CFAP90: variants seen among roughly 807,000 people sequenced by gnomAD.
CFAP90 encodes the protein cilia and flagella associated protein 90.
At chr5:7,834,097 A>G in the CFAP90 span, among the ~76,000 whole-genome samples, 3 of 152,146 alleles carry the variant, frequency 2.0e-5, no homozygotes, top group Admixed American at 6.6e-5. Context: ...AACAACCTCA[A>G]GCAGGTTCTT....
chr5:7,849,895 C>A, the CFAP90 span, among the ~76,000 whole-genome samples: 3 of 152,154 alleles, frequency 2.0e-5, no homozygotes, highest in African/African-American at 4.8e-5. Context: ...CTAGCCTGGG[C>A]CTGCCGCAGA....
chr5:7,834,654 G>A, the CFAP90 span, among the ~76,000 whole-genome samples: 1 of 151,946 alleles, frequency 6.6e-6, no homozygotes, highest in Non-Finnish European at 1.5e-5. Flanking sequence ...ATACACAAGT[G>A]TATCATTTTT....
chr5:7,850,436 CA>C, the CFAP90 span, among the ~76,000 whole-genome samples: 1 of 151,856 alleles, frequency 6.6e-6, no homozygotes, highest in Non-Finnish European at 1.5e-5. Flanking sequence ...CCTAGCGGTG[CA>C]GCCCCTCCCA....
the CFAP90 span, among the ~76,000 whole-genome samples, chr5:7,849,833 C>T: frequency 3.3e-5 from 5 of 152,074 alleles, no homozygotes; most frequent in African/African-American, 1.2e-4. Context: ...GAGGGTTTCC[C>T]GCGCCCTGGA....
chr5:7,846,796 GA>G, the CFAP90 span, among the ~76,000 whole-genome samples: 4 of 152,122 alleles, frequency 2.6e-5, no homozygotes, highest in African/African-American at 9.7e-5. Flanking sequence ...ACCCAGAGCA[GA>G]GTGCAGTGGT....
At chr5:7,831,457 C>A in the CFAP90 span, 1 of 166,384 alleles carries the variant, frequency 6.0e-6, no homozygotes, top group East Asian at 1.6e-4. Context: ...ACTCCTGTGA[C>A]TGCCTCCCCA....
chr5:7,847,115 G>A, the CFAP90 span, among the ~76,000 whole-genome samples: 1 of 152,168 alleles, frequency 6.6e-6, no homozygotes, highest in Non-Finnish European at 1.5e-5. Flanking sequence ...CTCTAGGTCA[G>A]AGAATCAGTT....
chr5:7,848,377 A>G, the CFAP90 span, among the ~76,000 whole-genome samples: 1 of 152,112 alleles, frequency 6.6e-6, no homozygotes, highest in Non-Finnish European at 1.5e-5. Flanking sequence ...GAGAGGAGCT[A>G]TCAGATACCA....
At chr5:7,838,919 C>A in the CFAP90 span, among the ~76,000 whole-genome samples, 11 of 152,294 alleles carry the variant, frequency 7.2e-5, no homozygotes, top group Non-Finnish European at 1.0e-4. Context: ...GGGCAGCCAC[C>A]CTCACCCAGT....
the CFAP90 span, among the ~76,000 whole-genome samples, chr5:7,850,489 G>A: frequency 6.6e-6 from 1 of 151,206 alleles, no homozygotes; most frequent in East Asian, 2.0e-4. Context: ...AGTCCCCGGC[G>A]GCGCATCCCT....
At chr5:7,834,829 T>C in the CFAP90 span, among the ~76,000 whole-genome samples, 1 of 152,118 alleles carries the variant, frequency 6.6e-6, no homozygotes, top group African/African-American at 2.4e-5. Context: ...GTAAGCTATG[T>C]CATCTAGGTT....
the CFAP90 span, among the ~76,000 whole-genome samples, chr5:7,833,484 A>T: frequency 6.9e-6 from 1 of 144,880 alleles, no homozygotes; most frequent in Non-Finnish European, 1.6e-5. Flanking sequence ...ATATACACAC[A>T]TATATAATAG....
chr5:7,834,950 C>A, the CFAP90 span, among the ~76,000 whole-genome samples: 2 of 152,040 alleles, frequency 1.3e-5, no homozygotes, highest in African/African-American at 2.4e-5. Flanking sequence ...CACCCCGCAC[C>A]AAACACACAC....
the CFAP90 span, among the ~76,000 whole-genome samples, chr5:7,849,048 T>C: frequency 6.6e-6 from 1 of 152,228 alleles, no homozygotes; most frequent in African/African-American, 2.4e-5. Flanking sequence ...ACACCAGTCA[T>C]ACTGGAATAG....
the CFAP90 span, among the ~76,000 whole-genome samples, chr5:7,841,985 G>GA: frequency 4.0e-5 from 6 of 149,618 alleles, no homozygotes; most frequent in African/African-American, 7.4e-5. Context: ...TTGGAAATTA[G>GA]AAAAAAAAAA....
chr5:7,850,957 A>G, the CFAP90 span: 1 of 1,333,374 alleles, frequency 7.5e-7, no homozygotes, highest in Non-Finnish European at 9.6e-7. Flanking sequence ...CTGCGCCGAG[A>G]CGGGCGGCGG....
chr5:7,841,182 A>T, the CFAP90 span, among the ~76,000 whole-genome samples: 2 of 152,240 alleles, frequency 1.3e-5, no homozygotes, highest in East Asian at 3.8e-4. Flanking sequence ...GGACATGAAC[A>T]GACACTTCTC....
the CFAP90 span, among the ~76,000 whole-genome samples, chr5:7,839,629 T>A: frequency 6.6e-6 from 1 of 152,192 alleles, no homozygotes; most frequent in Non-Finnish European, 1.5e-5. Context: ...TCTAATCAGG[T>A]CTCCTGAAAC....
the CFAP90 span, chr5:7,835,609 G>A: frequency 6.1e-6 from 4 of 658,182 alleles, no homozygotes; most frequent in East Asian, 2.6e-5. Context: ...AGGTGCATGT[G>A]GTGAGTATGT....
Sources: allele counts gnomAD v4.1 joint callset (sites outside exome capture counted in the v4.1 genomes callset), GRCh38; gene constraint gnomAD v4.1.1; transcripts MANE v1.5; gene names NCBI Gene and HGNC (gene_info 2026-07-23, HGNC 2026-07-21).